TASP1: variants seen among roughly 807,000 people sequenced by gnomAD.
TASP1 encodes taspase 1.
A neutral mutation model predicts 56.6 loss-of-function variants in TASP1; 16 were observed. The observed-to-expected ratio is 0.28, with a 90% CI of 0.19 to 0.43. The LOEUF (loss-of-function observed/expected upper bound fraction) is 0.43, where lower values mean the gene tolerates loss of function less well. Among genes scored for constraint, TASP1 ranks in the 20% least tolerant of loss-of-function variants. TASP1 has a pLI of 1.00. For missense variants in TASP1, 393 were observed against 511.6 expected (o/e 0.77, Z 2.24); for synonymous variants, 179 against 184.2 (o/e 0.97, Z 0.23).
the TASP1 span, among the ~76,000 whole-genome samples, chr20:13,373,757 A>G: frequency 6.6e-6 from 1 of 152,018 alleles, no homozygotes; most frequent in Non-Finnish European, 1.5e-5. Flanking sequence ...TTCCTACTTG[A>G]GTTTATTGAG....
intron 10 of TASP1, among the ~76,000 whole-genome samples, chr20:13,495,312 G>A (rs561962034): frequency 5.3e-5 from 8 of 152,118 alleles, no homozygotes; most frequent in African/African-American, 9.6e-5. Flanking sequence ...AAAGCTGTAC[G>A]CAAAGTTTAA....
the TASP1 span, among the ~76,000 whole-genome samples, chr20:13,311,429 C>G: frequency 6.6e-6 from 1 of 152,120 alleles, no homozygotes; most frequent in African/African-American, 2.4e-5. Flanking sequence ...CAATCCCACT[C>G]CTGGGTATAT....
At chr20:13,583,233 T>C (rs959702315) in intron 5 of TASP1, among the ~76,000 whole-genome samples, 1 of 152,158 alleles carries the variant, frequency 6.6e-6, no homozygotes, top group Non-Finnish European at 1.5e-5. Flanking sequence ...TCTCACAGCA[T>C]CTTGACCTCT....
chr20:13,592,691 T>G (rs530579477), intron 4 of TASP1, among the ~76,000 whole-genome samples: 1 of 152,316 alleles, frequency 6.6e-6, no homozygotes, highest in East Asian at 1.9e-4. Context: ...CTTTCTGTTT[T>G]CTATTTCATT....
intron 11 of TASP1, among the ~76,000 whole-genome samples, chr20:13,466,570 C>A (rs1051187202): frequency 3.3e-5 from 5 of 152,138 alleles, no homozygotes; most frequent in South Asian, 2.1e-4. Context: ...CACAGTGAAA[C>A]CCCGTCACCA....
chr20:13,294,195 A>T, the TASP1 span, among the ~76,000 whole-genome samples: 1 of 152,140 alleles, frequency 6.6e-6, no homozygotes, highest in Non-Finnish European at 1.5e-5. Flanking sequence ...TTAATTTTTT[A>T]AATGCTTGAT....
chr20:13,285,851 C>T, the TASP1 span, among the ~76,000 whole-genome samples: 1 of 152,196 alleles, frequency 6.6e-6, no homozygotes, highest in Non-Finnish European at 1.5e-5. Context: ...TAGTTTAATG[C>T]TAAAATCTCA....
intron 8 of TASP1, among the ~76,000 whole-genome samples, chr20:13,548,165 T>A (rs2045871111): frequency 6.6e-6 from 1 of 152,160 alleles, no homozygotes; most frequent in African/African-American, 2.4e-5. Context: ...GGGGAGCCTA[T>A]ACTTTATTCT....
chr20:13,230,997 G>T, the TASP1 span, among the ~76,000 whole-genome samples: 1 of 152,160 alleles, frequency 6.6e-6, no homozygotes, highest in Admixed American at 6.5e-5. Context: ...ACTTGATAAT[G>T]TACCCTTCTG....
intron 12 of TASP1, among the ~76,000 whole-genome samples, chr20:13,423,175 CAATT>C (rs1028862635): frequency 6.6e-6 from 1 of 152,022 alleles, no homozygotes; most frequent in African/African-American, 2.4e-5. Context: ...TACTATGTAA[CAATT>C]AAAAACAAAT....
chr20:13,219,037 A>C, the TASP1 span, among the ~76,000 whole-genome samples: 3 of 152,350 alleles, frequency 2.0e-5, no homozygotes, highest in Non-Finnish European at 4.4e-5. Context: ...AGTTTTTTAA[A>C]GGTCATTTTT....
At chr20:13,121,139 G>T in the TASP1 span, among the ~76,000 whole-genome samples, 1 of 152,210 alleles carries the variant, frequency 6.6e-6, no homozygotes, top group Admixed American at 6.5e-5. Context: ...CCCCAGGCAA[G>T]GATCTTGAGT....
At chr20:13,422,581 T>G (rs3945993) in intron 12 of TASP1, among the ~76,000 whole-genome samples, 2,618 of 152,316 alleles carry the variant, frequency 0.017, 80 homozygotes, top group African/African-American at 0.058. Flanking sequence ...TCTGCCTAAA[T>G]GAAGCTTATC....
At chr20:13,205,790 G>A in the TASP1 span, among the ~76,000 whole-genome samples, 1 of 152,222 alleles carries the variant, frequency 6.6e-6, no homozygotes, top group African/African-American at 2.4e-5. Flanking sequence ...AGTAGGGGAA[G>A]TGAGAGTGAG....
At chr20:13,456,176 G>C (rs764456340) in intron 11 of TASP1, among the ~76,000 whole-genome samples, 1 of 152,096 alleles carries the variant, frequency 6.6e-6, no homozygotes, top group African/African-American at 2.4e-5. Flanking sequence ...CAAGAGCAAC[G>C]GTCATGGCAA....
intron 8 of TASP1, among the ~76,000 whole-genome samples, chr20:13,554,234 C>T (rs1259728803): frequency 6.6e-6 from 1 of 152,142 alleles, no homozygotes; most frequent in Non-Finnish European, 1.5e-5. Context: ...AACCAACCAC[C>T]TCCAAACTTA....
chr20:13,297,427 CCT>C, the TASP1 span, among the ~76,000 whole-genome samples: 1 of 152,212 alleles, frequency 6.6e-6, no homozygotes. Context: ...TGCTCCCCTG[CCT>C]CTGTTTCCTG....
chr20:13,154,095 G>T, the TASP1 span: 2 of 1,614,178 alleles, frequency 1.2e-6, no homozygotes, highest in African/African-American at 1.3e-5. Context: ...CAATGAGAAT[G>T]CTTCTGTTGT....
At chr20:13,267,141 C>G in the TASP1 span, among the ~76,000 whole-genome samples, 1 of 152,122 alleles carries the variant, frequency 6.6e-6, no homozygotes, top group Non-Finnish European at 1.5e-5. Context: ...CTAGGATTTC[C>G]AATTTCTTAA....
Sources: gnomAD v4.1 joint callset for allele counts (sites outside exome capture counted in the v4.1 genomes callset) on GRCh38, gnomAD v4.1.1 for gene constraint, MANE v1.5 for transcripts, NCBI Gene and HGNC (gene_info 2026-07-23, HGNC 2026-07-21) for gene names.